NLGN1: variants seen among roughly 807,000 people sequenced by gnomAD.
The protein encoded by NLGN1 is neuroligin 1.
In NLGN1, 12 loss-of-function variants were observed where a neutral mutation model predicts 65.5. That is an observed-to-expected ratio of 0.18 (90% CI 0.12 to 0.30). NLGN1 has a LOEUF of 0.30. Among genes scored for constraint, NLGN1 ranks in the 10% least tolerant of loss-of-function variants. The probability of loss-of-function intolerance (pLI) is 1.00; values close to 1 mark genes in which losing one functional copy is unlikely to be tolerated. For missense variants in NLGN1, 750 were observed against 1,007.1 expected, an observed-to-expected ratio of 0.74 and a Z score of 3.46; for synonymous variants, 350 against 359.5, an observed-to-expected ratio of 0.97 and a Z score of 0.30.
At chr3:173,419,363 G>C (rs1047316636) in intron 1 of NLGN1, among the ~76,000 whole-genome samples, 3 of 151,618 alleles carry the variant, frequency 2.0e-5, no homozygotes, top group African/African-American at 7.3e-5. Context: ...CAGCAGGAAG[G>C]GGGTTATCTC....
chr3:174,131,114 AT>A (rs1720089800), intron 4 of NLGN1, among the ~76,000 whole-genome samples: 1 of 152,202 alleles, frequency 6.6e-6, no homozygotes, highest in South Asian at 2.1e-4. Flanking sequence ...GTCCTAAAGC[AT>A]CATTACACAC....
intron 4 of NLGN1, among the ~76,000 whole-genome samples, chr3:174,110,626 C>T (rs574055396): frequency 6.6e-6 from 1 of 151,748 alleles, no homozygotes; most frequent in Non-Finnish European, 1.5e-5. Context: ...TAAAAATATT[C>T]CAATGTACAA....
At chr3:173,461,172 C>T (rs1723311419) in intron 2 of NLGN1, among the ~76,000 whole-genome samples, 1 of 152,130 alleles carries the variant, frequency 6.6e-6, no homozygotes. Context: ...ATCAAAGAGA[C>T]TGAACTGTCC....
intron 4 of NLGN1, among the ~76,000 whole-genome samples, chr3:174,271,027 T>C (rs1481783642): frequency 6.6e-6 from 1 of 151,744 alleles, no homozygotes; most frequent in Non-Finnish European, 1.5e-5. Flanking sequence ...TACTTAGCAA[T>C]GTGACTCAAA....
chr3:174,130,724 T>C (rs903528584), intron 4 of NLGN1, among the ~76,000 whole-genome samples: 6 of 152,148 alleles, frequency 3.9e-5, no homozygotes, highest in Admixed American at 6.5e-5. Context: ...GAATTGTTCA[T>C]TGGGAGAGTT....
At chr3:173,701,046 A>G (rs926858410) in intron 3 of NLGN1, among the ~76,000 whole-genome samples, 6 of 152,044 alleles carry the variant, frequency 3.9e-5, no homozygotes, top group Non-Finnish European at 8.8e-5. Flanking sequence ...AATGGCGTGA[A>G]CCCAGGAGGT....
chr3:173,889,087 G>A (rs750099326), intron 4 of NLGN1, among the ~76,000 whole-genome samples: 1 of 152,148 alleles, frequency 6.6e-6, no homozygotes, highest in Non-Finnish European at 1.5e-5. Context: ...CAGAGTGACA[G>A]CTATGTATTT....
In NLGN1 at chr3:174,279,748, T is replaced by A; in HGVS notation, c.1649+98T>A. On this transcript the variant is annotated intron_variant, in intron 6 of 6. Coordinates refer to ENST00000457714, the Ensembl canonical transcript of NLGN1. The surrounding 1 kb of genome is among the most constrained non-coding windows in gnomAD (Gnocchi z 4.7). ...ATGCCCAGATAATGTCATATTGGAT[T>A]AATACCTGCAAGATATTACATTCCT... is the stretch of plus-strand genomic sequence containing the variant. 2.9e-6 allele frequency: 2 copies of A among 697,380 alleles called. No homozygotes were observed. Among genetic ancestry groups the A allele is most frequent in the Non-Finnish European group, 4.8e-6 (2 of 416,482 alleles). The allele number at this position is 697,380 out of a possible 1,614,324, so 43.2% of individuals were successfully genotyped here. A position where few individuals can be genotyped will look rare whatever the true frequency, so the allele number is the denominator to read the frequency against.
rs114356886 is a variant in NLGN1, at chr3:173,998,792, T to C, written c.646+190960T>C. 5.1e-3 allele frequency among the ~76,000 whole-genome samples: 784 copies of C among 152,332 alleles called. 3 individuals carry two copies. Among genetic ancestry groups the C allele is most frequent in the Non-Finnish European group, 9.1e-3 (619 of 68,034 alleles). The stretch of plus-strand genomic sequence containing the variant: ...CCAGTGGTCATGCTGATTCCAGTTA[T>C]CTCAAAGCTATCAACCCCTGAAATA... On this transcript the variant is annotated intron_variant, in intron 4 of 6. Transcript: ENST00000457714.
chr3:174,057,566 G>A (rs1273924361), intron 4 of NLGN1: 1 of 152,082 alleles, frequency 6.6e-6, no homozygotes, highest in East Asian at 1.9e-4. Context: ...AATCTTCCAT[G>A]TGTATTTTTG....
intron 3 of NLGN1, among the ~76,000 whole-genome samples, chr3:173,730,711 TA>T (rs546699996): frequency 1.7e-4 from 26 of 151,924 alleles, no homozygotes; most frequent in African/African-American, 5.8e-4. Flanking sequence ...ACGCTGCAAA[TA>T]AAAAAATGAG....
At chr3:173,676,853 C>A (rs1250092116) in intron 3 of NLGN1, among the ~76,000 whole-genome samples, 3 of 152,040 alleles carry the variant, frequency 2.0e-5, no homozygotes, top group Non-Finnish European at 4.4e-5. Context: ...TAGAACAATT[C>A]TCCTTATTTT....
chr3:174,089,895 C>CTT lies in NLGN1; in HGVS notation c.647-185408_647-185407dup, dbSNP rs10713354. ...TTGCCTTGGGGACTGCATAAACAGG[C>CTT]TTTTTTTTTTTTTCTTTTAACATAT... is the stretch of plus-strand genomic sequence containing the variant. On this transcript the variant is annotated intron_variant, in intron 4 of 6. Coordinates refer to ENST00000457714, the Ensembl canonical transcript of NLGN1. 2.1e-4 allele frequency among the ~76,000 whole-genome samples: 30 copies of CTT among 145,140 alleles called. 1 individual carries two copies. The highest frequency in any genetic ancestry group is 9.7e-4 in the Admixed American group (14 of 14,418).
In NLGN1 at chr3:174,116,318, T is replaced by A. The variant is rs141456418; in HGVS notation, c.647-158997T>A. ...TTGTGAATTGTGACATGTAAGTTTT[T>A]TTCTGGGTTTTCTTTTTTTTTTTTT... On this transcript the variant is annotated intron_variant, in intron 4 of 6. Coordinates refer to ENST00000457714, the Ensembl canonical transcript of NLGN1. Among the ~76,000 whole-genome samples the A allele has an allele frequency of 8.1e-3, 1,217 of 149,966 alleles. 26 individuals carry two copies. Among genetic ancestry groups the A allele is most frequent in the African/African-American group, 0.028 (1,154 of 40,546 alleles).
chr3:173,463,203 C>T (rs1174038977), intron 2 of NLGN1, among the ~76,000 whole-genome samples: 3 of 152,178 alleles, frequency 2.0e-5, no homozygotes, highest in Non-Finnish European at 4.4e-5. Context: ...AAACATCAGT[C>T]TTATTAACTA....
intron 3 of NLGN1, among the ~76,000 whole-genome samples, chr3:173,674,268 G>A (rs568736719): frequency 6.6e-6 from 1 of 152,242 alleles, no homozygotes; most frequent in African/African-American, 2.4e-5. Context: ...ACAATCAATA[G>A]TAAAATGGCC....
intron 1 of NLGN1, among the ~76,000 whole-genome samples, chr3:173,406,449 CTATTT>C (rs1718681065): frequency 1.3e-5 from 2 of 149,404 alleles, no homozygotes; most frequent in Middle Eastern, 7.2e-3. Context: ...TGGCGATGTA[CTATTT>C]TATTTTATAT....
chr3:174,221,181 C>G (rs775734792), intron 4 of NLGN1, among the ~76,000 whole-genome samples: 2 of 151,844 alleles, frequency 1.3e-5, no homozygotes, highest in Non-Finnish European at 2.9e-5. Context: ...GCAGGCAGAA[C>G]CATATAATAC....
At chr3:173,739,334 G>A (rs1266254954) in intron 3 of NLGN1, among the ~76,000 whole-genome samples, 11 of 152,026 alleles carry the variant, frequency 7.2e-5, no homozygotes, top group South Asian at 4.1e-4. Flanking sequence ...TGTAATACTA[G>A]CTTGTAAAAT....
Sources: allele counts gnomAD v4.1 joint callset (sites outside exome capture counted in the v4.1 genomes callset), GRCh38; gene constraint gnomAD v4.1.1; non-coding constraint Gnocchi (gnomAD v3.1); transcripts MANE v1.5; gene names NCBI Gene and HGNC (gene_info 2026-07-23, HGNC 2026-07-21).